The following SRBD1 variants were observed in gnomAD, a reference collection of about 807,000 sequenced individuals.
The protein encoded by SRBD1 is S1 RNA-binding domain-containing protein 1.
In SRBD1, 88 loss-of-function variants were observed where a neutral mutation model predicts 115.3. That is an observed-to-expected ratio of 0.76 (90% confidence interval 0.64 to 0.91). The LOEUF (loss-of-function observed/expected upper bound fraction) is 0.91, where lower values mean the gene tolerates loss of function less well. Ranked by LOEUF, SRBD1 falls within the 40% of genes least tolerant of loss-of-function variation. The pLI, the probability that SRBD1 is intolerant of heterozygous loss-of-function variation, is 0.00. For missense variants in SRBD1, 1,385 were observed against 1,177.4 expected (o/e 1.18, Z -2.58); for synonymous variants, 509 against 407.7 (o/e 1.25, Z -2.99).
At chr2:45,428,221 GAAACTGA>G (rs1558386788) in intron 16 of SRBD1, among the ~76,000 whole-genome samples, 2 of 152,166 alleles carry the variant, frequency 1.3e-5, no homozygotes, top group Non-Finnish European at 2.9e-5. Context: ...CAACTACATG[GAAACTGA>G]ACAACCCGCT....
intron 18 of SRBD1, among the ~76,000 whole-genome samples, chr2:45,414,126 C>A (rs1667688980): frequency 6.6e-6 from 1 of 152,088 alleles, no homozygotes; most frequent in Non-Finnish European, 1.5e-5. Context: ...CATAGTGGAA[C>A]AATATCTTAA....
chr2:45,450,270 G>T (rs564491239), intron 16 of SRBD1, among the ~76,000 whole-genome samples: 1 of 152,128 alleles, frequency 6.6e-6, no homozygotes, highest in Admixed American at 6.6e-5. Context: ...AGAAGATAGC[G>T]AATTCAAAGT....
intron 14 of SRBD1, among the ~76,000 whole-genome samples, chr2:45,523,825 A>G (rs1187361711): frequency 6.6e-6 from 1 of 151,968 alleles, no homozygotes; most frequent in Admixed American, 6.6e-5. Context: ...AATTCATTCT[A>G]AAAAGCCAAC....
At chr2:45,490,042 T>C (rs531104787) in intron 14 of SRBD1, among the ~76,000 whole-genome samples, 11 of 152,268 alleles carry the variant, frequency 7.2e-5, no homozygotes, top group African/African-American at 9.6e-5. Context: ...ATACGTTCCA[T>C]AACTTCAGAG....
intron 2 of SRBD1, 27 bp from the exon 3 acceptor site, chr2:45,602,110 C>A: frequency 5.7e-6 from 9 of 1,568,066 alleles, no homozygotes; most frequent in South Asian, 1.2e-5. Context: ...AGAATAATCT[C>A]CAGGAAAAAT....
chr2:45,504,802 C>T (rs548790936), intron 14 of SRBD1, among the ~76,000 whole-genome samples: 1 of 152,172 alleles, frequency 6.6e-6, no homozygotes, highest in Non-Finnish European at 1.5e-5. Context: ...ACGCCTGGCC[C>T]TTTTAGATTT....
Position 45,389,604 on chromosome 2 carries a change from A to C in SRBD1, c.2699-5T>G. ...TGAAATCAGGTTTATCAAAATCTGT[A>C]AGAGAAAAAAAGTAAGTGTAAATAA... is the stretch of plus-strand genomic sequence containing the variant. On this transcript the variant is annotated splice_polypyrimidine_tract_variant and splice_region_variant and intron_variant, in intron 20 of 20. Coordinates refer to ENST00000263736, the MANE Select transcript of SRBD1 (RefSeq NM_018079.5). 1 of 1,609,200 alleles carries C rather than the reference A, an allele frequency of 6.2e-7. No homozygotes were observed. The highest frequency in any genetic ancestry group is 8.5e-7 in the Non-Finnish European group (1 of 1,177,956).
intron 14 of SRBD1, among the ~76,000 whole-genome samples, chr2:45,492,208 TAA>T (rs1670317306): frequency 6.6e-6 from 1 of 152,222 alleles, no homozygotes; most frequent in South Asian, 2.1e-4. Context: ...GTTTTCTGTA[TAA>T]AAGATATACG....
rs182196508 is a variant in SRBD1 at position 45,585,530 on chromosome 2, T to C, written c.815+78A>G. ...AACAAAATGTTGAAATTGTCAAATA[T>C]ACCGTCATTCACTTTCTCACTGTTC... is the stretch of plus-strand genomic sequence containing the variant. On this transcript the variant is annotated intron_variant, in intron 5 of 20. Transcript: ENST00000263736. The C allele has an allele frequency of 9.0e-6, 13 of 1,444,086 alleles. No individual in the cohort carries two copies. The African/African-American group carries it at 1.7e-4, about 19-fold the overall frequency. The allele number at this position is 1,444,086 out of a possible 1,614,324, so 89.5% of individuals were successfully genotyped here. A position where few individuals can be genotyped will look rare whatever the true frequency, so the allele number is the denominator to read the frequency against.
chr2:45,561,136 T>C (rs942976101), intron 10 of SRBD1, among the ~76,000 whole-genome samples: 41 of 151,982 alleles, frequency 2.7e-4, no homozygotes, highest in Non-Finnish European at 7.4e-5. Context: ...AGAAACTATA[T>C]AGAAAAATAT....
At chr2:45,496,519 A>G (rs1490587435) in intron 14 of SRBD1, among the ~76,000 whole-genome samples, 1 of 152,216 alleles carries the variant, frequency 6.6e-6, no homozygotes, top group Non-Finnish European at 1.5e-5. Flanking sequence ...GCAGCGATAT[A>G]CTTTGCCGGC....
At chr2:45,526,540 T>C (rs966275075) in intron 14 of SRBD1, among the ~76,000 whole-genome samples, 5 of 151,924 alleles carry the variant, frequency 3.3e-5, no homozygotes, top group East Asian at 1.9e-4. Flanking sequence ...TTAGTAGTGA[T>C]AGCTGCACAT....
rs80125375 is a variant in SRBD1, at chr2:45,458,604, T to C, written c.2049+18389A>G. On this transcript the variant is annotated intron_variant, in intron 16 of 20. Coordinates refer to ENST00000263736, the MANE Select transcript of SRBD1 (RefSeq NM_018079.5). The stretch of plus-strand genomic sequence containing the variant: ...AGACAAAGACAGAAACAAGCAACCA[T>C]ATCCTTCTTCATCAGAACAAAATCT... 7.4e-3 allele frequency among the ~76,000 whole-genome samples: 1,122 copies of C among 152,234 alleles called. 15 individuals are homozygous for C. The highest frequency in any genetic ancestry group is 0.026 in the African/African-American group (1,074 of 41,550).
At chr2:45,462,515 T>C (rs891172929) in intron 16 of SRBD1, among the ~76,000 whole-genome samples, 1 of 152,162 alleles carries the variant, frequency 6.6e-6, no homozygotes, top group Non-Finnish European at 1.5e-5. Context: ...ATATACACTT[T>C]TTAATAATAC....
At chr2:45,610,462 G>A (rs556507312) in intron 1 of SRBD1, among the ~76,000 whole-genome samples, 44 of 152,272 alleles carry the variant, frequency 2.9e-4, no homozygotes, top group African/African-American at 9.4e-4. Context: ...AGAAATCTGA[G>A]ACCCAATGAG....
chr2:45,425,774 G>A (rs952121619), intron 16 of SRBD1, among the ~76,000 whole-genome samples: 4 of 152,088 alleles, frequency 2.6e-5, no homozygotes, highest in African/African-American at 9.7e-5. Context: ...GTGAGGGACC[G>A]TGCTGTGAGG....
chr2:45,528,980 T>C (rs1412520187), intron 14 of SRBD1, among the ~76,000 whole-genome samples: 7 of 151,944 alleles, frequency 4.6e-5, no homozygotes, highest in Non-Finnish European at 8.8e-5. Context: ...ACTGTACAGA[T>C]AGAAGTGCTC....
At chr2:45,501,063 C>A (rs1345660669) in intron 14 of SRBD1, among the ~76,000 whole-genome samples, 1 of 152,010 alleles carries the variant, frequency 6.6e-6, no homozygotes, top group East Asian at 1.9e-4. Flanking sequence ...CCTTCTCCAC[C>A]CAATTTGTTG....
At chr2:45,403,111 CT>C (rs1359962739) in intron 19 of SRBD1, among the ~76,000 whole-genome samples, 5 of 152,152 alleles carry the variant, frequency 3.3e-5, no homozygotes, top group Admixed American at 3.3e-4. Context: ...GACTTTTAGT[CT>C]GCAAAATCTA....
Sources: gnomAD v4.1 joint callset for allele counts (sites outside exome capture counted in the v4.1 genomes callset) on GRCh38, gnomAD v4.1.1 for gene constraint, MANE v1.5 for transcripts, NCBI Gene and HGNC (gene_info 2026-07-23, HGNC 2026-07-21) for gene names.